Variants in ANKRD36C observed in about 807,000 individuals in gnomAD.
ANKRD36C encodes ankyrin repeat domain-containing protein 36C.
In ANKRD36C, 61 loss-of-function variants were observed where a neutral mutation model predicts 276.4. The observed-to-expected ratio is 0.22, with a 90% CI of 0.18 to 0.27. ANKRD36C has a LOEUF of 0.27. Among genes scored for constraint, ANKRD36C ranks in the 10% least tolerant of loss-of-function variants. The probability of loss-of-function intolerance (pLI) is 1.00; values close to 1 mark genes in which losing one functional copy is unlikely to be tolerated. For synonymous variants in ANKRD36C, 483 were observed against 680.1 expected (o/e 0.71, Z 4.51); for missense variants, 1,447 against 2,032.3 (o/e 0.71, Z 5.54).
intron 22 of ANKRD36C, among the ~76,000 whole-genome samples, chr2:95,938,595 T>C (rs1322649894): frequency 3.3e-5 from 5 of 152,248 alleles, no homozygotes; most frequent in Non-Finnish European, 7.3e-5. Context: ...CACTGGGATC[T>C]TTAAATGATG....
At chr2:95,966,956 C>A (rs1678604829) in intron 6 of ANKRD36C, among the ~76,000 whole-genome samples, 1 of 152,022 alleles carries the variant, frequency 6.6e-6, no homozygotes, top group Non-Finnish European at 1.5e-5. Flanking sequence ...TGATTTAGTG[C>A]TCTATTACTG....
intron 13 of ANKRD36C, among the ~76,000 whole-genome samples, chr2:95,954,254 C>A (rs1217339836): frequency 6.6e-6 from 1 of 152,184 alleles, no homozygotes; most frequent in African/African-American, 2.4e-5. Context: ...TGCAGACTCA[C>A]CCTTAAACCC....
rs557261173 is a variant in ANKRD36C, at chr2:95,919,871, T to A, written c.2245+1736A>T. 2.6e-6 allele frequency: 4 copies of A among 1,544,882 alleles called. 1 individual carries two copies. The African/African-American group carries it at 5.7e-5, about 22-fold the overall frequency. Reference sequence around the variant, plus strand: ...ATGAAGTATGTGTCATAGACTACAATGTAAATGAGAGTTTAATTACCTTCA... The same window carrying A: ...ATGAAGTATGTGTCATAGACTACAAAGTAAATGAGAGTTTAATTACCTTCA... On this transcript the variant is annotated intron_variant, in intron 34 of 66. Transcript: ENST00000456556.
intron 6 of ANKRD36C, among the ~76,000 whole-genome samples, chr2:95,973,718 C>T (rs1431705579): frequency 6.6e-6 from 1 of 151,912 alleles, no homozygotes; most frequent in Non-Finnish European, 1.5e-5. Context: ...TATTAAGGGC[C>T]AATAGGACTT....
Position 95,928,347 on chromosome 2 carries a change from G to A in ANKRD36C, c.1837+725C>T, listed in dbSNP as rs561049242. On this transcript the variant is annotated intron_variant, in intron 26 of 66. Coordinates refer to ENST00000456556, the Ensembl canonical transcript of ANKRD36C. ...AGGAAGCCAATGTATTCATATGCAA[G>A]TTCATCTCATTTTTATAAGTAAAGT... 1.5e-3 allele frequency among the ~76,000 whole-genome samples: 235 copies of A among 151,666 alleles called. 2 individuals are homozygous for A. The highest frequency in any genetic ancestry group is 6.8e-3 in the Middle Eastern group (2 of 294).
chr2:95,861,082 TG>T (rs1247432740), intron 60 of ANKRD36C, among the ~76,000 whole-genome samples: 2 of 152,168 alleles, frequency 1.3e-5, no homozygotes, highest in Non-Finnish European at 2.9e-5. Context: ...AGAAAGGTCT[TG>T]CCTCAGGAGT....
At chr2:95,874,534 T>C (rs1392225245) in intron 59 of ANKRD36C, among the ~76,000 whole-genome samples, 1 of 152,200 alleles carries the variant, frequency 6.6e-6, no homozygotes, top group Non-Finnish European at 1.5e-5. Context: ...TAATTCAAGA[T>C]GGATTAAAGG....
chr2:95,891,509 C>A (rs969941947), intron 46 of ANKRD36C, among the ~76,000 whole-genome samples, 156 bp downstream of exon 66: 4 of 150,968 alleles, frequency 2.6e-5, no homozygotes, highest in African/African-American at 7.3e-5. Context: ...AGAGCAGCAG[C>A]ATCATCATCA....
chr2:95,883,360 T>G (rs781675201), intron 54 of ANKRD36C, among the ~76,000 whole-genome samples: 1 of 152,150 alleles, frequency 6.6e-6, no homozygotes, highest in Non-Finnish European at 1.5e-5. Flanking sequence ...ATAGTCTGGT[T>G]TGAAGTATCA....
At chr2:95,889,594 G>A (rs1005505801) in intron 48 of ANKRD36C, among the ~76,000 whole-genome samples, 12 of 151,446 alleles carry the variant, frequency 7.9e-5, no homozygotes, top group African/African-American at 2.7e-4. Flanking sequence ...CAATTTCAAA[G>A]TACAGACATC....
At chr2:95,924,684 T>C (rs1189420138) in intron 30 of ANKRD36C, among the ~76,000 whole-genome samples, 3 of 151,690 alleles carry the variant, frequency 2.0e-5, no homozygotes, top group African/African-American at 7.2e-5. Context: ...TGTCTGATAC[T>C]AATAAACAGG....
intron 59 of ANKRD36C, among the ~76,000 whole-genome samples, chr2:95,873,021 A>T (rs1314160749): frequency 6.6e-6 from 1 of 152,216 alleles, no homozygotes; most frequent in Non-Finnish European, 1.5e-5. Flanking sequence ...TGTGGCAATA[A>T]TCAATAGCTT....
At chr2:95,869,110 ACTTTAT>A (rs1480582022) in intron 59 of ANKRD36C, among the ~76,000 whole-genome samples, 2 of 152,172 alleles carry the variant, frequency 1.3e-5, no homozygotes, top group Non-Finnish European at 2.9e-5. Context: ...TTTAAAAATA[ACTTTAT>A]CTTTAAATAA....
At chr2:95,906,943 C>A in intron 42 of ANKRD36C, 121 bp from the exon 49 acceptor site, 1 of 45,336 alleles carries the variant, frequency 2.2e-5, no homozygotes, top group South Asian at 1.1e-4. Context: ...GCTTTGATGG[C>A]TTCTACTTTG....
chr2:95,875,812 T>A (rs1675939468), intron 59 of ANKRD36C, among the ~76,000 whole-genome samples: 1 of 151,976 alleles, frequency 6.6e-6, no homozygotes, highest in African/African-American at 2.4e-5. Context: ...TGACAGTGGA[T>A]TTAATAAATT....
chr2:95,983,997 C>T (rs1192731203), intron 3 of ANKRD36C, among the ~76,000 whole-genome samples: 1 of 152,024 alleles, frequency 6.6e-6, no homozygotes, highest in African/African-American at 2.4e-5. Context: ...GCAACTATAC[C>T]GTGATTCACC....
At chr2:95,864,529 G>C (rs2104280189) in intron 60 of ANKRD36C, among the ~76,000 whole-genome samples, 1 of 152,004 alleles carries the variant, frequency 6.6e-6, no homozygotes, top group East Asian at 1.9e-4. Context: ...CTACTTGTTT[G>C]TAGCATTGTT....
Position 95,948,282 on chromosome 2 carries a change from C to T in ANKRD36C, c.1362+248G>A, listed in dbSNP as rs567222638. ...GTTCCAGAACCACATTTTTCTGTCA[C>T]TATGTATTTTCCAGCAATTTTTTTT... On this transcript the variant is annotated intron_variant, in intron 17 of 66. Transcript: ENST00000456556. Among the ~76,000 whole-genome samples, 13 of 151,492 alleles carry T rather than the reference C, an allele frequency of 8.6e-5. No homozygotes were observed. In the South Asian group the frequency reaches 2.7e-3, roughly 32 times the overall value.
At position 95,902,133 on chromosome 2, in the gene ANKRD36C, G is replaced by C. The variant is rs541468821; in HGVS notation, c.2654-2797C>G. Among the ~76,000 whole-genome samples the C allele has an allele frequency of 8.7e-5, 13 of 149,784 alleles. 2 individuals are homozygous for C. In the South Asian group the frequency reaches 2.5e-3, roughly 29 times the overall value. On this transcript the variant is annotated intron_variant, in intron 42 of 66. Transcript: ENST00000456556. ...TATTTTATCCAAGAGGTAGCTCCTT[G>C]AACAGGGAAGCAAATTTATTCATAT... is the stretch of plus-strand genomic sequence containing the variant.
Sources: gnomAD v4.1 joint callset for allele counts (sites outside exome capture counted in the v4.1 genomes callset) on GRCh38, gnomAD v4.1.1 for gene constraint, MANE v1.5 for transcripts, NCBI Gene and HGNC (gene_info 2026-07-23, HGNC 2026-07-21) for gene names.